ATG10: variants seen among roughly 807,000 people sequenced by gnomAD.
ATG10 encodes autophagy related 10.
Under a neutral mutation model 32.1 loss-of-function variants are expected in ATG10, and 30 were observed. The ratio of observed to expected loss-of-function variants is 0.94; its 90% CI spans 0.70 to 1.27. ATG10 has a LOEUF of 1.27. Ranked by LOEUF, ATG10 falls within the 50% of genes most tolerant of loss-of-function variation. The pLI, the probability that ATG10 is intolerant of heterozygous loss-of-function variation, is 0.00. For missense variants in ATG10, 233 were observed against 262.3 expected, an observed-to-expected ratio of 0.89 and a Z score of 0.77; for synonymous variants, 87 against 91.5, an observed-to-expected ratio of 0.95 and a Z score of 0.28.
At chr5:82,216,980 G>C (rs970157275) in intron 5 of ATG10, among the ~76,000 whole-genome samples, 2 of 151,924 alleles carry the variant, frequency 1.3e-5, no homozygotes, top group Admixed American at 1.3e-4. Flanking sequence ...ACTTGAACCC[G>C]GGAGGTGGAG....
At chr5:82,051,724 A>G (rs7702257) in intron 2 of ATG10, among the ~76,000 whole-genome samples, 12 of 152,140 alleles carry the variant, frequency 7.9e-5, no homozygotes, top group East Asian at 1.9e-4. Context: ...TATTTGGGGT[A>G]TGGGGAGGAG....
intron 2 of ATG10, among the ~76,000 whole-genome samples, chr5:81,993,360 C>CTTCTT (rs1420358116): frequency 4.3e-5 from 2 of 46,798 alleles, no homozygotes; most frequent in Middle Eastern, 0.011. Context: ...TCTTTCTTTC[C>CTTCTT]TTCTTTTCTT....
chr5:82,080,210 G>C (rs554687369), intron 3 of ATG10, among the ~76,000 whole-genome samples: 1 of 151,918 alleles, frequency 6.6e-6, no homozygotes, highest in South Asian at 2.1e-4. Context: ...TTTTGATGGG[G>C]TTGTTTTTTT....
chr5:82,196,402 T>C (rs1744852257), intron 5 of ATG10, among the ~76,000 whole-genome samples: 1 of 152,176 alleles, frequency 6.6e-6, no homozygotes, highest in South Asian at 2.1e-4. Flanking sequence ...CCAATTTATC[T>C]ATTTTTTTAT....
chr5:82,178,447 T>G (rs1333633371), intron 4 of ATG10, 43 bp from the exon 5 acceptor site: 2 of 1,185,582 alleles, frequency 1.7e-6, no homozygotes, highest in Non-Finnish European at 2.5e-6. Flanking sequence ...CACCATTGTG[T>G]CACATGAATT....
intron 5 of ATG10, chr5:82,242,902 A>C (rs1452204827): frequency 2.3e-6 from 1 of 434,926 alleles, no homozygotes; most frequent in African/African-American, 2.0e-5. Flanking sequence ...AAGAATAGTA[A>C]AATGTGGGTA....
intron 4 of ATG10, among the ~76,000 whole-genome samples, chr5:82,166,962 A>C (rs1743608553): frequency 6.6e-6 from 1 of 152,062 alleles, no homozygotes; most frequent in African/African-American, 2.4e-5. Flanking sequence ...CTATTTTTTT[A>C]AGGAAAAGCA....
chr5:81,993,908 G>A (rs892028180), intron 2 of ATG10, among the ~76,000 whole-genome samples: 2 of 152,152 alleles, frequency 1.3e-5, no homozygotes, highest in African/African-American at 4.8e-5. Context: ...TATTGTCTGA[G>A]TTTCTCTAGG....
chr5:82,103,041 CT>C (rs1354622570), intron 3 of ATG10, among the ~76,000 whole-genome samples: 8 of 152,006 alleles, frequency 5.3e-5, no homozygotes, highest in Middle Eastern at 3.2e-3. Context: ...GATTATTTGT[CT>C]TTTTCCTTCC....
chr5:82,179,991 C>T (rs951422904), intron 5 of ATG10, among the ~76,000 whole-genome samples: 2 of 152,144 alleles, frequency 1.3e-5, no homozygotes, highest in Admixed American at 6.5e-5. Flanking sequence ...TCTGACCTCA[C>T]GTGGAACAAT....
intron 5 of ATG10, among the ~76,000 whole-genome samples, chr5:82,230,990 G>C (rs1395484745): frequency 6.6e-6 from 1 of 152,108 alleles, no homozygotes; most frequent in Non-Finnish European, 1.5e-5. Context: ...AATAAAATTT[G>C]AGAAGAAATA....
At chr5:82,243,889 A>C (rs1241680949) in intron 5 of ATG10, among the ~76,000 whole-genome samples, 2 of 152,186 alleles carry the variant, frequency 1.3e-5, no homozygotes, top group African/African-American at 4.8e-5. Flanking sequence ...TAAAAAATTA[A>C]GAAAAACAAA....
chr5:82,106,756 G>T (rs963322402), intron 3 of ATG10, among the ~76,000 whole-genome samples: 1 of 151,852 alleles, frequency 6.6e-6, no homozygotes, highest in Admixed American at 6.6e-5. Context: ...TATAGTGTAT[G>T]AATAAACATT....
chr5:82,135,193 T>G (rs1561317044), intron 3 of ATG10, among the ~76,000 whole-genome samples: 1 of 152,190 alleles, frequency 6.6e-6, no homozygotes, highest in Non-Finnish European at 1.5e-5. Flanking sequence ...ATTCATTGAT[T>G]TTTTGAAGGG....
At chr5:81,993,208 A>G (rs1376178814) in intron 2 of ATG10, among the ~76,000 whole-genome samples, 1 of 152,132 alleles carries the variant, frequency 6.6e-6, no homozygotes, top group Non-Finnish European at 1.5e-5. Flanking sequence ...TAAAGTAGGA[A>G]TAACAATAAT....
At chr5:82,137,428 T>G (rs532521528) in intron 3 of ATG10, among the ~76,000 whole-genome samples, 1 of 152,210 alleles carries the variant, frequency 6.6e-6, no homozygotes, top group African/African-American at 2.4e-5. Flanking sequence ...ATATTGATGC[T>G]ATGTTCCTTT....
intron 5 of ATG10, among the ~76,000 whole-genome samples, chr5:82,193,233 T>C (rs963954010): frequency 1.3e-5 from 2 of 152,232 alleles, no homozygotes; most frequent in African/African-American, 4.8e-5. Context: ...TAGTATGTCC[T>C]ACAGTTCATC....
At chr5:82,221,227 T>C (rs1745913545) in intron 5 of ATG10, among the ~76,000 whole-genome samples, 1 of 152,138 alleles carries the variant, frequency 6.6e-6, no homozygotes, top group Non-Finnish European at 1.5e-5. Context: ...ATTTCTCTCT[T>C]TAGCATTCCC....
At chr5:81,987,503 A>T in intron 1 of ATG10, 56 bp from the exon 2 acceptor site, 1 of 1,257,708 alleles carries the variant, frequency 8.0e-7, no homozygotes. Flanking sequence ...CAATTGGCAG[A>T]ATTCCTTTCA....
Sources: gnomAD v4.1 joint callset for allele counts (sites outside exome capture counted in the v4.1 genomes callset) on GRCh38, gnomAD v4.1.1 for gene constraint, MANE v1.5 for transcripts, NCBI Gene and HGNC (gene_info 2026-07-23, HGNC 2026-07-21) for gene names.